MTF1: variants seen among roughly 807,000 people sequenced by gnomAD.
MTF1 encodes MRE-binding transcription factor.
In MTF1, 22 loss-of-function variants were observed where a neutral mutation model predicts 70.4. That is an observed-to-expected ratio of 0.31 (90% confidence interval 0.22 to 0.45). MTF1 has a LOEUF of 0.45. MTF1 is among the 20% of genes least tolerant of loss of function. MTF1 has a pLI of 1.00. For missense variants in MTF1, 649 were observed against 922.0 expected, an observed-to-expected ratio of 0.70 and a Z score of 3.83; for synonymous variants, 333 against 352.8, an observed-to-expected ratio of 0.94 and a Z score of 0.63.
intron 2 of MTF1, among the ~76,000 whole-genome samples, chr1:37,855,841 C>G (rs912112556): frequency 3.3e-5 from 5 of 151,956 alleles, no homozygotes; most frequent in Non-Finnish European, 7.4e-5. Context: ...GCCTGTAATC[C>G]CAGCTACTCA....
At chr1:37,854,097 T>A (rs1017408644) in intron 2 of MTF1, among the ~76,000 whole-genome samples, 1 of 152,200 alleles carries the variant, frequency 6.6e-6, no homozygotes, top group Non-Finnish European at 1.5e-5. Flanking sequence ...AACCTCCACC[T>A]CCCGGGTTCA....
chr1:37,850,558 GAGAGAGAA>G (rs1002835721), intron 2 of MTF1, among the ~76,000 whole-genome samples: 4 of 149,608 alleles, frequency 2.7e-5, no homozygotes, highest in Admixed American at 2.0e-4. Context: ...AAAAAAAAGG[GAGAGAGAA>G]AGAGAGAGAG....
chr1:37,839,765 T>G (rs978540090), intron 3 of MTF1, among the ~76,000 whole-genome samples, 155 bp downstream of exon 3: 1 of 152,260 alleles, frequency 6.6e-6, no homozygotes, highest in African/African-American at 2.4e-5. Context: ...TTTCATTTTC[T>G]GAGATCTGGC....
chr1:37,822,780 A>G (rs1226444952), intron 8 of MTF1, 64 bp from the exon 9 acceptor site: 2 of 1,182,922 alleles, frequency 1.7e-6, no homozygotes, highest in Admixed American at 3.9e-5. Context: ...CCACAAAAAC[A>G]GTCATTATGG....
Position 37,814,694 on chromosome 1 carries a change from C to G in MTF1, c.*442G>C, listed in dbSNP as rs1640788189. On this transcript the variant is annotated 3_prime_UTR_variant, in exon 11 of 11. Coordinates refer to ENST00000373036, the MANE Select transcript of MTF1 (RefSeq NM_005955.3). ...GTCTGGCCTTCCAAGCAAATGTCAG[C>G]CTCAGATTCAAAAGACACATAGGAA... The G allele has an allele frequency of 5.7e-6, 1 of 175,742 alleles. No individual in the cohort carries two copies. Among genetic ancestry groups the G allele is most frequent in the Non-Finnish European group, 1.2e-5 (1 of 81,490 alleles). 10.9% of individuals were successfully genotyped at this position (175,742 alleles called of 1,614,324 possible).
intron 9 of MTF1, among the ~76,000 whole-genome samples, chr1:37,819,983 A>AAAG (rs1557586389): frequency 6.9e-5 from 5 of 72,416 alleles, no homozygotes; most frequent in African/African-American, 1.9e-4. Flanking sequence ...AAAAAAAAAA[A>AAAG]AAGGAGAAGT....
At chr1:37,824,837 C>T (rs1293768678) in intron 7 of MTF1, among the ~76,000 whole-genome samples, 2 of 152,076 alleles carry the variant, frequency 1.3e-5, no homozygotes, top group South Asian at 2.1e-4. Flanking sequence ...CAATGGTGAA[C>T]AATAGTGATA....
In MTF1 at chr1:37,838,835, G is replaced by A. The variant is rs544862627; in HGVS notation, c.648-79C>T. 80 of 879,820 alleles carry A rather than the reference G, an allele frequency of 9.1e-5. No homozygotes were observed. In the East Asian group the frequency reaches 2.7e-3, roughly 30 times the overall value. 54.5% of individuals were successfully genotyped at this position (879,820 alleles called of 1,614,324 possible). ...TTTTTTTTTTCTGAGACAGAGTTTCGCTCTTGTCGCCCAGGCTGGAGTGCA... is the reference window on the plus strand; with the variant it reads ...TTTTTTTTTTCTGAGACAGAGTTTCACTCTTGTCGCCCAGGCTGGAGTGCA... On this transcript the variant is annotated intron_variant, in intron 3 of 10. Coordinates refer to ENST00000373036, the MANE Select transcript of MTF1 (RefSeq NM_005955.3).
At chr1:37,852,277 G>A (rs1007537990) in intron 2 of MTF1, among the ~76,000 whole-genome samples, 8 of 152,094 alleles carry the variant, frequency 5.3e-5, no homozygotes, top group African/African-American at 1.7e-4. Flanking sequence ...TCAGATACAC[G>A]TTTCCAATGA....
chr1:37,823,405 G>A (rs539743731), intron 8 of MTF1, among the ~76,000 whole-genome samples: 4 of 151,552 alleles, frequency 2.6e-5, no homozygotes, highest in South Asian at 2.1e-4. Context: ...TCACACCACC[G>A]CACTCCCATC....
rs1640743028 is a variant in MTF1, at chr1:37,811,909, G to A, written c.*3227C>T. The A allele has an allele frequency of 2.0e-5, 3 of 152,670 alleles. No individual in the cohort carries two copies. The highest frequency in any genetic ancestry group is 7.2e-5 in the African/African-American group (3 of 41,462). The allele number at this position is 152,670 out of a possible 1,614,324, so 9.5% of individuals were successfully genotyped here. ...AGACTGGCCAGACCCTGCCAGCAAA[G>A]ACTGGGCCACCTTCCCTCAATGCCC... is the stretch of plus-strand genomic sequence containing the variant. On this transcript the variant is annotated 3_prime_UTR_variant, in exon 11 of 11. Coordinates refer to ENST00000373036, the MANE Select transcript of MTF1 (RefSeq NM_005955.3).
chr1:37,824,300 C>G (rs927794910), intron 7 of MTF1, among the ~76,000 whole-genome samples: 3 of 152,184 alleles, frequency 2.0e-5, no homozygotes, highest in African/African-American at 4.8e-5. Flanking sequence ...CTAGTTGTGA[C>G]AGAGACCATG....
At position 37,822,171 on chromosome 1, in the gene MTF1, G is replaced by T. The variant is rs1640919987; in HGVS notation, c.1717C>A (p.Gln573Lys). The change falls in exon 9 of 11, where the codon CAA becomes AAA. Residue 573 changes from glutamine (Q) to lysine (K), a missense_variant. This residue lies in a region of MTF1 where 39 missense variants were observed against 97.8 expected (regional missense o/e 0.40). Coordinates refer to ENST00000373036, the MANE Select transcript of MTF1 (RefSeq NM_005955.3). ...SSLVMGEQNL[Q>K]WILNGATSSP... ...CTGGTGGCACCATTTAATATCCATT[G>T]TAAGTTCTGTTCTCCCATGACTAGG... 15 of 1,613,076 alleles carry T rather than the reference G, an allele frequency of 9.3e-6. No homozygotes were observed. Among genetic ancestry groups the T allele is most frequent in the Non-Finnish European group, 1.3e-5 (15 of 1,179,456 alleles).
intron 4 of MTF1, among the ~76,000 whole-genome samples, 192 bp from the exon 5 acceptor site, chr1:37,835,936 G>T (rs1331511969): frequency 1.3e-5 from 2 of 152,044 alleles, no homozygotes; most frequent in Non-Finnish European, 2.9e-5. Context: ...GAGTAGCTGG[G>T]ACTACAGGTG....
intron 9 of MTF1, among the ~76,000 whole-genome samples, chr1:37,821,343 A>G (rs1011084548): frequency 6.6e-6 from 1 of 152,198 alleles, no homozygotes; most frequent in Non-Finnish European, 1.5e-5. Context: ...TAGCACAATA[A>G]GTCCTTACAC....
In MTF1 at chr1:37,840,263, G is replaced by A; in HGVS notation, c.409-105C>T. The A allele has an allele frequency of 1.9e-6, 2 of 1,028,826 alleles. No homozygotes were observed. The allele number at this position is 1,028,826 out of a possible 1,614,324, so 63.7% of individuals were successfully genotyped here. ...AAGAGATGCTGTGGACAATACAACT[G>A]GGTTTTCATCATAAACACAGAAAAC... On this transcript the variant is annotated intron_variant, in intron 2 of 10. Transcript: ENST00000373036. This position sits in a 1 kb window ranked among gnomAD's most constrained non-coding sequence, Gnocchi z 4.5.
rs1290626330 is a variant in MTF1, at chr1:37,815,611, G to A, written c.1832-45C>T. 2.1e-6 allele frequency: 3 copies of A among 1,446,020 alleles called. No homozygotes were observed. The highest frequency in any genetic ancestry group is 2.3e-5 in the East Asian group (1 of 43,692). 89.6% of individuals were successfully genotyped at this position (1,446,020 alleles called of 1,614,324 possible). On this transcript the variant is annotated intron_variant, in intron 10 of 10. Coordinates refer to ENST00000373036, the MANE Select transcript of MTF1 (RefSeq NM_005955.3). This position sits in a 1 kb window ranked among gnomAD's most constrained non-coding sequence, Gnocchi z 4.5. ...GACTGCTCTTCAAGTAGCTGCAGGG[G>A]CAGGAGCATGAGGGACAGGGATACA...
At position 37,837,311 on chromosome 1, in the gene MTF1, T is replaced by C. The variant is rs544229766; in HGVS notation, c.779+1314A>G. On this transcript the variant is annotated intron_variant, in intron 4 of 10. Coordinates refer to ENST00000373036, the MANE Select transcript of MTF1 (RefSeq NM_005955.3). Reference sequence around the variant, plus strand: ...GGCTCAAGTGATCCTCCCACCTCAGTCTCCCAAAGCACTGGGATTACAGAC... The same window carrying C: ...GGCTCAAGTGATCCTCCCACCTCAGCCTCCCAAAGCACTGGGATTACAGAC... Among the ~76,000 whole-genome samples the C allele has an allele frequency of 3.9e-5, 6 of 151,974 alleles. No homozygotes were observed. The East Asian group carries it at 9.7e-4, about 25-fold the overall frequency.
intron 2 of MTF1, among the ~76,000 whole-genome samples, chr1:37,847,298 AAGTCCTC>A (rs1641348077): frequency 1.3e-5 from 2 of 152,228 alleles, no homozygotes; most frequent in Admixed American, 1.3e-4. Context: ...GGCATCCAGA[AAGTCCTC>A]AGTTCAAATC....
Sources: allele counts gnomAD v4.1 joint callset (sites outside exome capture counted in the v4.1 genomes callset), GRCh38; gene constraint gnomAD v4.1.1; regional missense constraint gnomAD v4.1.1; non-coding constraint Gnocchi (gnomAD v3.1); transcripts MANE v1.5; gene names NCBI Gene and HGNC (gene_info 2026-07-23, HGNC 2026-07-21).